ABCB1: variants seen among roughly 807,000 people sequenced by gnomAD.
ABCB1 encodes ATP binding cassette subfamily B member 1.
A neutral mutation model predicts 142.0 loss-of-function variants in ABCB1; 69 were observed. That is an observed-to-expected ratio of 0.49 (90% CI 0.40 to 0.59). The LOEUF is 0.59. Among genes scored for constraint, ABCB1 ranks in the 20% least tolerant of loss-of-function variants. ABCB1 has a pLI of 0.00. For synonymous variants in ABCB1, 532 were observed against 539.2 expected (o/e 0.99, Z 0.18); for missense variants, 1,326 against 1,554.7 (o/e 0.85, Z 2.47).
At chr7:87,588,203 C>A (rs191453241) in intron 3 of ABCB1, among the ~76,000 whole-genome samples, 43 of 151,158 alleles carry the variant, frequency 2.8e-4, no homozygotes, top group Middle Eastern at 3.4e-3. Context: ...CTTTTAAGTT[C>A]ATGGGTACAA....
At chr7:87,538,092 A>G (rs1274438041) in intron 19 of ABCB1, among the ~76,000 whole-genome samples, 2 of 152,232 alleles carry the variant, frequency 1.3e-5, no homozygotes, top group African/African-American at 4.8e-5. Context: ...TAGACCTTGT[A>G]AGCAGAAGGC....
At chr7:87,677,319 A>C (rs1196482174) in intron 1 of ABCB1, among the ~76,000 whole-genome samples, 4 of 149,970 alleles carry the variant, frequency 2.7e-5, no homozygotes, top group Admixed American at 6.6e-5. Context: ...ACCACAATGG[A>C]ATACCATTTC....
chr7:87,554,964 A>G (rs1817246976), intron 8 of ABCB1, among the ~76,000 whole-genome samples: 1 of 152,216 alleles, frequency 6.6e-6, no homozygotes, highest in South Asian at 2.1e-4. Context: ...TCACTGACAG[A>G]TTTTATTTCT....
At chr7:87,578,848 C>T (rs899157900) in intron 4 of ABCB1, among the ~76,000 whole-genome samples, 2 of 151,758 alleles carry the variant, frequency 1.3e-5, no homozygotes, top group South Asian at 2.1e-4. Flanking sequence ...CGCCCGCCAC[C>T]ACGCCCGGCT....
chr7:87,577,709 C>T (rs1304347092), intron 4 of ABCB1, among the ~76,000 whole-genome samples: 1 of 152,140 alleles, frequency 6.6e-6, no homozygotes, highest in Non-Finnish European at 1.5e-5. Flanking sequence ...TACCTGTTTG[C>T]CATTTGTATA....
At chr7:87,593,810 C>T (rs187120755) in intron 3 of ABCB1, among the ~76,000 whole-genome samples, 1 of 152,134 alleles carries the variant, frequency 6.6e-6, no homozygotes, top group African/African-American at 2.4e-5. Context: ...CCCTGTGACT[C>T]CATTAGGAGA....
chr7:87,544,113 T>C lies in ABCB1; in HGVS notation c.2211+16A>G. The C allele has an allele frequency of 1.2e-6, 2 of 1,613,666 alleles. No individual in the cohort carries two copies. Among genetic ancestry groups the C allele is most frequent in the Non-Finnish European group, 1.7e-6 (2 of 1,179,676 alleles). ...AGGATTCACAAGTAAATCACACAAA[T>C]GGGCATCACACTTACCCCTATAATC... On this transcript the variant is annotated intron_variant, in intron 17 of 27. Coordinates refer to ENST00000622132, the MANE Select transcript of ABCB1 (RefSeq NM_001348946.2).
chr7:87,592,940 T>C (rs563734049), intron 3 of ABCB1, among the ~76,000 whole-genome samples: 1 of 151,760 alleles, frequency 6.6e-6, no homozygotes, highest in East Asian at 1.9e-4. Context: ...TTTTTTTTTT[T>C]TTTTTGAGAC....
intron 23 of ABCB1, 22 bp from the exon 24 acceptor site, chr7:87,516,687 C>CATG: frequency 6.3e-7 from 1 of 1,578,458 alleles, no homozygotes; most frequent in East Asian, 2.4e-5. Flanking sequence ...AAACACAAAA[C>CATG]ATGTGCACAG....
At chr7:87,505,026 C>T (rs1584825305) in intron 27 of ABCB1, among the ~76,000 whole-genome samples, 1 of 151,912 alleles carries the variant, frequency 6.6e-6, no homozygotes, top group African/African-American at 2.4e-5. Context: ...TGTAGTGGTA[C>T]AATCATGGCT....
intron 21 of ABCB1, chr7:87,522,428 A>AT: frequency 4.7e-6 from 3 of 638,374 alleles, no homozygotes; most frequent in Admixed American, 3.7e-5. Flanking sequence ...TACTGCCAGG[A>AT]AACAAATCTT....
intron 21 of ABCB1, chr7:87,522,215 G>A: frequency 5.5e-6 from 7 of 1,273,136 alleles, no homozygotes; most frequent in Non-Finnish European, 7.9e-6. Flanking sequence ...AATCATGGAA[G>A]CAATTTTGGA....
In ABCB1 at chr7:87,545,947, G is replaced by A. The variant is rs147451192; in HGVS notation, c.1803C>T (p.Phe601=). Residue 601 remains phenylalanine, a synonymous_variant, in exon 15 of 28, where the codon TTC becomes TTT. Coordinates refer to ENST00000622132, the MANE Select transcript of ABCB1 (RefSeq NM_001348946.2). ...CTTTCTCCACAATGACTCCATCATC[G>A]AAACCAGCGATGACGTCAGCATTAC... is the stretch of plus-strand genomic sequence containing the variant. ...TVRNADVIAG[F]DDGVIVEKGN... 2.4e-5 allele frequency: 39 copies of A among 1,613,906 alleles called. No individual in the cohort carries two copies. The highest frequency in any genetic ancestry group is 5.5e-5 in the South Asian group (5 of 91,068).
At chr7:87,688,509 A>G (rs528865011) in intron 1 of ABCB1, among the ~76,000 whole-genome samples, 10 of 151,792 alleles carry the variant, frequency 6.6e-5, no homozygotes, top group Non-Finnish European at 1.0e-4. Context: ...GGAGTTTTCA[A>G]TTACCCTAAA....
rs199843908 is a variant in ABCB1, at chr7:87,515,438, G to A, written c.3085-10C>T. The A allele has an allele frequency of 1.3e-4, 208 of 1,613,410 alleles. No individual in the cohort carries two copies. Among genetic ancestry groups the A allele is most frequent in the Non-Finnish European group, 1.7e-4 (205 of 1,179,370 alleles). On this transcript the variant is annotated splice_polypyrimidine_tract_variant and intron_variant, in intron 24 of 27. Transcript: ENST00000622132. ...TTCCTTCCAATGTGTTCTGCAATGA[G>A]AAGAATAACAGTAAATTTGAATGCT...
chr7:87,505,190 C>G (rs1330115781), intron 27 of ABCB1, among the ~76,000 whole-genome samples: 1 of 152,152 alleles, frequency 6.6e-6, no homozygotes, highest in Non-Finnish European at 1.5e-5. Flanking sequence ...TCTCAAAAAT[C>G]CTGGGCTCAA....
At chr7:87,639,368 TGTCA>T (rs2130276836) in intron 1 of ABCB1, among the ~76,000 whole-genome samples, 1 of 152,320 alleles carries the variant, frequency 6.6e-6, no homozygotes, top group South Asian at 2.1e-4. Context: ...ATGTGTATTC[TGTCA>T]TTGTTGATTG....
intron 7 of ABCB1, chr7:87,563,427 C>T (rs1234517479): frequency 2.2e-6 from 1 of 452,910 alleles, no homozygotes; most frequent in East Asian, 7.0e-5. Context: ...AAAATCCTGG[C>T]AAACTGAATT....
chr7:87,520,600 T>C (rs1031089478), intron 22 of ABCB1, among the ~76,000 whole-genome samples, 176 bp downstream of exon 22: 8 of 152,204 alleles, frequency 5.3e-5, no homozygotes, highest in African/African-American at 1.9e-4. Context: ...TGTCCCTGCC[T>C]TAGTTCAGGG....
Sources: gnomAD v4.1 joint callset for allele counts (sites outside exome capture counted in the v4.1 genomes callset) on GRCh38, gnomAD v4.1.1 for gene constraint, MANE v1.5 for transcripts, NCBI Gene and HGNC (gene_info 2026-07-23, HGNC 2026-07-21) for gene names.